C12orf42: variants seen among roughly 807,000 people sequenced by gnomAD.
The protein encoded by C12orf42 is chromosome 12 open reading frame 42.
In C12orf42, 25 loss-of-function variants were observed where a neutral mutation model predicts 21.6. That is an observed-to-expected ratio of 1.16 (90% CI 0.84 to 1.62). The LOEUF is 1.62. C12orf42 is among the 40% of genes most tolerant of loss of function. C12orf42 has a pLI of 0.00. For missense variants in C12orf42, 483 were observed against 459.3 expected, an observed-to-expected ratio of 1.05 and a Z score of -0.47; for synonymous variants, 174 against 175.0, an observed-to-expected ratio of 0.99 and a Z score of 0.05.
At chr12:103,304,015 T>C (rs1192495665) in intron 5 of C12orf42, among the ~76,000 whole-genome samples, 1 of 152,124 alleles carries the variant, frequency 6.6e-6, no homozygotes, top group Non-Finnish European at 1.5e-5. Flanking sequence ...TCCTATGTCT[T>C]GAGCCAAAAA....
chr12:103,369,611 C>T (rs148459870), intron 3 of C12orf42, among the ~76,000 whole-genome samples: 40 of 151,698 alleles, frequency 2.6e-4, no homozygotes, highest in African/African-American at 8.9e-4. Flanking sequence ...GGAGAGGAGG[C>T]TCTTAAATCA....
chr12:103,198,624 C>T, the C12orf42 span, among the ~76,000 whole-genome samples: 1 of 152,350 alleles, frequency 6.6e-6, no homozygotes, highest in African/African-American at 2.4e-5. Context: ...CTCTGCCTTC[C>T]AGCTCAAATG....
chr12:103,557,392 T>C, the C12orf42 span: 2 of 152,126 alleles, frequency 1.3e-5, no homozygotes, highest in Non-Finnish European at 2.9e-5. Context: ...ACTGCTGATG[T>C]TATTTCCTCT....
chr12:103,551,286 G>T, the C12orf42 span, among the ~76,000 whole-genome samples: 2 of 152,140 alleles, frequency 1.3e-5, no homozygotes, highest in African/African-American at 4.8e-5. Context: ...GCAGGCAAGT[G>T]TCTATTACTC....
At chr12:103,127,833 CTTTG>C in the C12orf42 span, among the ~76,000 whole-genome samples, 3 of 152,110 alleles carry the variant, frequency 2.0e-5, no homozygotes, top group Non-Finnish European at 2.9e-5. Flanking sequence ...CGAGAACATT[CTTTG>C]TTTGACTTGT....
chr12:103,058,560 T>A, the C12orf42 span, among the ~76,000 whole-genome samples: 1 of 152,192 alleles, frequency 6.6e-6, no homozygotes, highest in Non-Finnish European at 1.5e-5. Flanking sequence ...TGGCACTTAT[T>A]GTAAAATCGA....
intron 2 of C12orf42, among the ~76,000 whole-genome samples, chr12:103,455,169 T>C (rs1383034807): frequency 6.6e-6 from 1 of 152,170 alleles, no homozygotes; most frequent in Non-Finnish European, 1.5e-5. Flanking sequence ...TCAGATTATA[T>C]AGCAAAGTGG....
the C12orf42 span, among the ~76,000 whole-genome samples, chr12:103,173,043 C>T: frequency 6.6e-6 from 1 of 152,112 alleles, no homozygotes; most frequent in African/African-American, 2.4e-5. Flanking sequence ...GGAACATTAG[C>T]ACCACAGTGG....
At chr12:103,104,843 G>A in the C12orf42 span, among the ~76,000 whole-genome samples, 1 of 152,200 alleles carries the variant, frequency 6.6e-6, no homozygotes, top group Admixed American at 6.5e-5. Flanking sequence ...CCCTGGTGGG[G>A]CTGCCCCACC....
intron 2 of C12orf42, among the ~76,000 whole-genome samples, chr12:103,418,040 C>T: frequency 6.6e-6 from 1 of 152,178 alleles, no homozygotes; most frequent in East Asian, 1.9e-4. Context: ...CTATTCTACC[C>T]TACGGCCAAG....
the C12orf42 span, chr12:103,164,800 G>T: frequency 2.3e-6 from 1 of 436,496 alleles, no homozygotes; most frequent in Non-Finnish European, 4.6e-6. Flanking sequence ...TTCAATTACC[G>T]GTTCAGTAGG....
chr12:103,112,199 G>A, the C12orf42 span, among the ~76,000 whole-genome samples: 1 of 152,206 alleles, frequency 6.6e-6, no homozygotes, highest in African/African-American at 2.4e-5. Context: ...CCAGGATGAG[G>A]CCAGCACAAA....
intron 4 of C12orf42, among the ~76,000 whole-genome samples, chr12:103,359,152 C>A (rs976131313): frequency 6.6e-6 from 1 of 152,020 alleles, no homozygotes; most frequent in Non-Finnish European, 1.5e-5. Flanking sequence ...GGCCCCAATC[C>A]TCTTCAATCT....
chr12:103,540,954 G>A, the C12orf42 span, among the ~76,000 whole-genome samples: 3 of 151,812 alleles, frequency 2.0e-5, no homozygotes, highest in Non-Finnish European at 2.9e-5. Context: ...CCTAGGCTGA[G>A]GTGCAGTGGT....
the C12orf42 span, among the ~76,000 whole-genome samples, chr12:103,528,133 A>G: frequency 6.6e-6 from 1 of 152,242 alleles, no homozygotes. Context: ...GAATCAATGA[A>G]TGAATGGTAG....
intron 10 of C12orf42, among the ~76,000 whole-genome samples, chr12:103,255,718 C>T (rs1210514202): frequency 6.6e-6 from 1 of 151,824 alleles, no homozygotes; most frequent in Non-Finnish European, 1.5e-5. Context: ...CCCGTTACTT[C>T]AAAAGTTTCT....
At chr12:103,509,543 T>G in the C12orf42 span, among the ~76,000 whole-genome samples, 1 of 152,188 alleles carries the variant, frequency 6.6e-6, no homozygotes, top group African/African-American at 2.4e-5. Context: ...AAGCTTAAAT[T>G]AATTTAACAT....
At chr12:103,295,433 A>C (rs2037198395) in intron 4 of C12orf42, among the ~76,000 whole-genome samples, 1 of 151,950 alleles carries the variant, frequency 6.6e-6, no homozygotes, top group African/African-American at 2.4e-5. Flanking sequence ...TTTAACATAT[A>C]ACTTGCTTTG....
chr12:103,205,931 A>G, the C12orf42 span, among the ~76,000 whole-genome samples: 1 of 152,198 alleles, frequency 6.6e-6, no homozygotes, highest in Non-Finnish European at 1.5e-5. Context: ...AAGGAGCTAT[A>G]ATAGTTCTGT....
Sources: allele counts gnomAD v4.1 joint callset (sites outside exome capture counted in the v4.1 genomes callset), GRCh38; gene constraint gnomAD v4.1.1; transcripts MANE v1.5; gene names NCBI Gene and HGNC (gene_info 2026-07-23, HGNC 2026-07-21).